The following BFSP2 variants were observed in gnomAD, a reference collection of about 807,000 sequenced individuals.
BFSP2 encodes the protein beaded filament structural protein 2.
A neutral mutation model predicts 44.9 loss-of-function variants in BFSP2; 38 were observed. The ratio of observed to expected loss-of-function variants is 0.85; its 90% CI spans 0.65 to 1.11. BFSP2 has a LOEUF of 1.11. Ranked by LOEUF, BFSP2 falls within the 50% of genes least tolerant of loss-of-function variation. The pLI is 0.00. For missense variants in BFSP2, 525 were observed against 533.0 expected (o/e 0.99, Z 0.15); for synonymous variants, 197 against 209.9 (o/e 0.94, Z 0.53).
intron 1 of BFSP2, among the ~76,000 whole-genome samples, chr3:133,413,785 G>A (rs1461590311): frequency 1.3e-5 from 2 of 151,930 alleles, no homozygotes; most frequent in Non-Finnish European, 2.9e-5. Flanking sequence ...CCACCAAACT[G>A]ACCACCACTG....
intron 1 of BFSP2, 38 bp from the exon 2 acceptor site, chr3:133,447,279 A>G (rs753839198): frequency 6.2e-7 from 1 of 1,610,074 alleles, no homozygotes; most frequent in Non-Finnish European, 8.5e-7. Flanking sequence ...TGACGCTCCC[A>G]GTGACCTTGT....
chr3:133,452,352 G>A (rs983488499), intron 4 of BFSP2, among the ~76,000 whole-genome samples: 18 of 152,002 alleles, frequency 1.2e-4, no homozygotes, highest in African/African-American at 4.4e-4. Flanking sequence ...CCCCTACCCC[G>A]TTTCAATAGC....
chr3:133,424,105 G>C (rs2073619641), intron 1 of BFSP2, among the ~76,000 whole-genome samples: 1 of 151,838 alleles, frequency 6.6e-6, no homozygotes, highest in Admixed American at 6.6e-5. Flanking sequence ...AGGCTGGAGT[G>C]CAGTGGCTCA....
chr3:133,438,827 A>G (rs2073817077), intron 1 of BFSP2, among the ~76,000 whole-genome samples: 1 of 152,228 alleles, frequency 6.6e-6, no homozygotes, highest in Non-Finnish European at 1.5e-5. Flanking sequence ...AAATTTAGCC[A>G]TGATACTTCA....
intron 1 of BFSP2, among the ~76,000 whole-genome samples, chr3:133,442,407 G>C (rs2073854366): frequency 6.6e-6 from 1 of 152,050 alleles, no homozygotes; most frequent in South Asian, 2.1e-4. Context: ...CACCCACCCT[G>C]TCCTCCCAAA....
rs544457467 is a variant in BFSP2, at chr3:133,424,442, G to T, written c.490-22875G>T. Among the ~76,000 whole-genome samples the T allele has an allele frequency of 5.3e-5, 8 of 152,082 alleles. No individual in the cohort carries two copies. In the South Asian group the frequency reaches 1.7e-3, roughly 32 times the overall value. On this transcript the variant is annotated intron_variant, in intron 1 of 6. Coordinates refer to ENST00000302334, the MANE Select transcript of BFSP2 (RefSeq NM_003571.4). Reference sequence around the variant, plus strand: ...TTCAGGTGCATTCTGGGTTGCTGTGGAGCTTAGGTCAGACCTTGAGTTTAG... The same window carrying T: ...TTCAGGTGCATTCTGGGTTGCTGTGTAGCTTAGGTCAGACCTTGAGTTTAG...
At chr3:133,455,178 A>C (rs577923157) in intron 4 of BFSP2, among the ~76,000 whole-genome samples, 3 of 152,266 alleles carry the variant, frequency 2.0e-5, no homozygotes, top group Admixed American at 6.5e-5. Flanking sequence ...GATACAGTAA[A>C]TACATAAACC....
chr3:133,474,626 A>G (rs1401012529), intron 6 of BFSP2, among the ~76,000 whole-genome samples: 2 of 152,236 alleles, frequency 1.3e-5, no homozygotes, highest in Non-Finnish European at 2.9e-5. Flanking sequence ...CAGCAAGAGC[A>G]GTGAGTTAGG....
intron 1 of BFSP2, among the ~76,000 whole-genome samples, chr3:133,422,705 G>A (rs913551664): frequency 6.0e-5 from 9 of 150,376 alleles, no homozygotes; most frequent in African/African-American, 2.2e-4. Context: ...CTGAGGCTCA[G>A]GTGGTAGCCT....
Position 133,472,479 on chromosome 3 carries a change from GGAGC to G in BFSP2, c.1160_1163del (p.Glu387AlafsTer37). The G allele has an allele frequency of 6.2e-7, 1 of 1,613,788 alleles. No homozygotes were observed. The highest frequency in any genetic ancestry group is 8.5e-7 in the Non-Finnish European group (1 of 1,180,022). ...GAGCGGAGGCGGAGCAGCAGCAACA[GGAGC>G]GCGCGCATCTGCTGGCCCGCAAGTG... On this transcript the variant is annotated frameshift_variant, in exon 6 of 7. Coordinates refer to ENST00000302334, the MANE Select transcript of BFSP2 (RefSeq NM_003571.4). LOFTEE classifies it high-confidence loss of function.
At chr3:133,406,248 C>G (rs979210328) in intron 1 of BFSP2, among the ~76,000 whole-genome samples, 11 of 152,296 alleles carry the variant, frequency 7.2e-5, no homozygotes, top group African/African-American at 2.6e-4. Context: ...CGTGAGCCAC[C>G]GTGCCCAGCC....
intron 1 of BFSP2, among the ~76,000 whole-genome samples, chr3:133,411,710 T>C (rs981955069): frequency 2.8e-4 from 8 of 28,920 alleles, no homozygotes; most frequent in African/African-American, 8.3e-4. Flanking sequence ...TTTTAATAAG[T>C]GATATTTAGA....
In BFSP2 at chr3:133,400,254, T is replaced by C; in HGVS notation, c.171T>C (p.Tyr57=). 6.2e-7 allele frequency: 1 copy of C among 1,613,990 alleles called. No homozygotes were observed. The highest frequency in any genetic ancestry group is 8.5e-7 in the Non-Finnish European group (1 of 1,179,974). ...GCCTTGTCCGAGCACCCGGGGTCTA[T>C]GTAGGAACAGCACCCAGTGGGTGCA... The part of the protein sequence containing the change: ...MSGLVRAPGV[Y]VGTAPSGCIG... Residue 57 remains tyrosine, a synonymous_variant, in exon 1 of 7, where the codon TAT becomes TAC. Coordinates refer to ENST00000302334, the MANE Select transcript of BFSP2 (RefSeq NM_003571.4). This position sits in a 1 kb window ranked among gnomAD's most constrained non-coding sequence, Gnocchi z 4.0.
At chr3:133,414,310 A>C (rs1162061804) in intron 1 of BFSP2, among the ~76,000 whole-genome samples, 2 of 25,618 alleles carry the variant, frequency 7.8e-5, no homozygotes, top group Non-Finnish European at 1.4e-4. Context: ...TCCCCTACTC[A>C]CCCCTCTACT....
chr3:133,413,332 C>T (rs2073474775), intron 1 of BFSP2, among the ~76,000 whole-genome samples: 1 of 152,018 alleles, frequency 6.6e-6, no homozygotes, highest in African/African-American at 2.4e-5. Flanking sequence ...CCCATCTCCA[C>T]AGCTCCTCTC....
chr3:133,443,149 C>T (rs909048129), intron 1 of BFSP2, among the ~76,000 whole-genome samples: 11 of 152,102 alleles, frequency 7.2e-5, no homozygotes, highest in African/African-American at 1.4e-4. Flanking sequence ...CGTGAGCCAC[C>T]GCACCCGGCC....
At chr3:133,416,926 C>T (rs2107889773) in intron 1 of BFSP2, among the ~76,000 whole-genome samples, 2 of 124,804 alleles carry the variant, frequency 1.6e-5, no homozygotes, top group Admixed American at 7.9e-5. Context: ...ACTCACCCGT[C>T]CTCTGCCCTC....
intron 6 of BFSP2, among the ~76,000 whole-genome samples, chr3:133,473,927 C>A (rs1234915980): frequency 6.6e-6 from 1 of 152,208 alleles, no homozygotes; most frequent in Non-Finnish European, 1.5e-5. Flanking sequence ...TCCCTTATAT[C>A]TCATTGGCCA....
chr3:133,429,065 T>C (rs1027126366), intron 1 of BFSP2, among the ~76,000 whole-genome samples: 1 of 152,136 alleles, frequency 6.6e-6, no homozygotes, highest in Admixed American at 6.5e-5. Flanking sequence ...ATTTTAGATA[T>C]AATTGAAACT....
Sources: allele counts gnomAD v4.1 joint callset (sites outside exome capture counted in the v4.1 genomes callset), GRCh38; gene constraint gnomAD v4.1.1; non-coding constraint Gnocchi (gnomAD v3.1); transcripts MANE v1.5; gene names NCBI Gene and HGNC (gene_info 2026-07-23, HGNC 2026-07-21).